The following CSMD1 variants were observed in gnomAD, a reference collection of about 807,000 sequenced individuals.
CSMD1 encodes CUB and Sushi multiple domains 1.
CSMD1 carries 213 observed loss-of-function variants against 417.5 expected under a neutral mutation model. The ratio of observed to expected loss-of-function variants is 0.51; its 90% CI spans 0.46 to 0.57. The LOEUF (loss-of-function observed/expected upper bound fraction) is 0.57. CSMD1 is among the 20% of genes least tolerant of loss of function. CSMD1 has a pLI of 0.00. For synonymous variants in CSMD1, 2,862 were observed against 1,736.8 expected, an observed-to-expected ratio of 1.65 and a Z score of -16.11; for missense variants, 6,923 against 4,529.7, an observed-to-expected ratio of 1.53 and a Z score of -15.17.
chr8:4,419,724 A>G (rs1387523653), intron 3 of CSMD1, among the ~76,000 whole-genome samples: 2 of 152,188 alleles, frequency 1.3e-5, no homozygotes, highest in Non-Finnish European at 2.9e-5. Context: ...CAAAACCCCA[A>G]GAAGAAAAGT....
intron 5 of CSMD1, among the ~76,000 whole-genome samples, chr8:3,982,750 G>A (rs930034490): frequency 6.6e-6 from 1 of 152,142 alleles, no homozygotes; most frequent in Non-Finnish European, 1.5e-5. Context: ...TAACGTGGAA[G>A]GAGCTGCCCA....
chr8:4,207,131 C>A (rs1447556570), intron 3 of CSMD1, among the ~76,000 whole-genome samples: 1 of 151,964 alleles, frequency 6.6e-6, no homozygotes, highest in Non-Finnish European at 1.5e-5. Flanking sequence ...AAAAATAGGA[C>A]AGTTGGTAAA....
intron 2 of CSMD1, among the ~76,000 whole-genome samples, chr8:4,423,784 G>A (rs1797390801): frequency 6.6e-6 from 1 of 151,912 alleles, no homozygotes; most frequent in African/African-American, 2.4e-5. Flanking sequence ...GAATAAAGCA[G>A]GAGAAACAGT....
chr8:4,879,091 GCAAA>G (rs1224408950), intron 1 of CSMD1, among the ~76,000 whole-genome samples: 2 of 151,908 alleles, frequency 1.3e-5, no homozygotes, highest in Non-Finnish European at 2.9e-5. Context: ...AGTAAGCTTT[GCAAA>G]CAAACAAAAA....
At chr8:3,158,641 A>G (rs1297664384) in intron 38 of CSMD1, among the ~76,000 whole-genome samples, 5 of 151,248 alleles carry the variant, frequency 3.3e-5, no homozygotes, top group African/African-American at 9.8e-5. Flanking sequence ...TTCTCAATGA[A>G]AAAAAAAACA....
chr8:3,160,724 A>C (rs1394432939), intron 38 of CSMD1, among the ~76,000 whole-genome samples: 2 of 152,246 alleles, frequency 1.3e-5, no homozygotes, highest in Non-Finnish European at 2.9e-5. Context: ...TTCCTATACT[A>C]AAGTGTGCCA....
rs1420684024 is a variant in CSMD1, at chr8:3,262,184, A to AAAAATATATACAT, written c.4153+21959_4153+21960insATGTATATATTTT. ...TTATTTCTAAAATTATGCTCATATGAATATATATATATATATATATATATA... is the reference window on the plus strand; with the variant it reads ...TTATTTCTAAAATTATGCTCATATGAAAAATATATACATATATATATATATATATATATATATA... On this transcript the variant is annotated intron_variant, in intron 26 of 69. Coordinates refer to ENST00000635120, the MANE Select transcript of CSMD1 (RefSeq NM_033225.6). Among the ~76,000 whole-genome samples the AAAAATATATACAT allele has an allele frequency of 7.1e-4, 45 of 63,170 alleles. 3 individuals are homozygous for AAAAATATATACAT. The highest frequency in any genetic ancestry group is 2.9e-3 in the African/African-American group (41 of 14,126). The allele number at this position is 63,170 out of a possible 152,430, so 41.4% of individuals were successfully genotyped here. A position where few individuals can be genotyped will look rare whatever the true frequency, so the allele number is the denominator to read the frequency against.
rs573715122 is a variant in CSMD1 at position 3,272,737 on chromosome 8, G to T, written c.4153+11407C>A. Among the ~76,000 whole-genome samples, 7 of 146,308 alleles carry T rather than the reference G, an allele frequency of 4.8e-5. No homozygotes were observed. The South Asian group carries it at 8.9e-4, about 19-fold the overall frequency. On this transcript the variant is annotated intron_variant, in intron 26 of 69. Coordinates refer to ENST00000635120, the MANE Select transcript of CSMD1 (RefSeq NM_033225.6). ...TCCTGATTTGGCTCTCTGTTTGTCT[G>T]TTGTTGGTGTATAAGAATGCTTGTG...
At chr8:4,308,700 A>G (rs1798391788) in intron 3 of CSMD1, among the ~76,000 whole-genome samples, 1 of 152,198 alleles carries the variant, frequency 6.6e-6, no homozygotes, top group Non-Finnish European at 1.5e-5. Context: ...TTGGAGTTTA[A>G]TTGCATTTGC....
At chr8:4,882,751 T>C (rs1371880498) in intron 1 of CSMD1, among the ~76,000 whole-genome samples, 1 of 151,918 alleles carries the variant, frequency 6.6e-6, no homozygotes, top group Non-Finnish European at 1.5e-5. Flanking sequence ...ATTATAATAA[T>C]TATCTTTTAA....
At chr8:4,136,872 T>C (rs893325235) in intron 3 of CSMD1, among the ~76,000 whole-genome samples, 2 of 152,208 alleles carry the variant, frequency 1.3e-5, no homozygotes, top group African/African-American at 2.4e-5. Context: ...ATTTACGAAT[T>C]TCAGAGAACA....
intron 26 of CSMD1, among the ~76,000 whole-genome samples, chr8:3,280,005 AAAGAGATGGTC>A (rs1373692185): frequency 6.6e-6 from 1 of 152,212 alleles, no homozygotes; most frequent in African/African-American, 2.4e-5. Flanking sequence ...AGAGATCCGG[AAAGAGATGGTC>A]AATGCAGCAG....
chr8:4,568,619 C>A (rs1298554430), intron 2 of CSMD1, among the ~76,000 whole-genome samples: 2 of 152,072 alleles, frequency 1.3e-5, no homozygotes, highest in African/African-American at 4.8e-5. Flanking sequence ...GATGTATAAT[C>A]CTATGGGTAT....
chr8:3,490,430 C>T (rs987429594), intron 11 of CSMD1, among the ~76,000 whole-genome samples: 3 of 152,072 alleles, frequency 2.0e-5, no homozygotes, highest in African/African-American at 7.2e-5. Flanking sequence ...GCATTACCTG[C>T]CTGCATTTAT....
At chr8:4,451,122 G>C (rs958199577) in intron 2 of CSMD1, among the ~76,000 whole-genome samples, 1 of 152,154 alleles carries the variant, frequency 6.6e-6, no homozygotes, top group Non-Finnish European at 1.5e-5. Flanking sequence ...GAGTTCAAGA[G>C]ATCCAGACTA....
At chr8:4,945,874 A>G (rs983969365) in intron 1 of CSMD1, among the ~76,000 whole-genome samples, 5 of 152,204 alleles carry the variant, frequency 3.3e-5, no homozygotes, top group Non-Finnish European at 5.9e-5. Context: ...TTGGCAGACA[A>G]TCACAGAAAC....
intron 7 of CSMD1, among the ~76,000 whole-genome samples, chr8:3,688,719 T>G (rs1431141501): frequency 6.6e-6 from 1 of 152,166 alleles, no homozygotes; most frequent in Non-Finnish European, 1.5e-5. Flanking sequence ...TCTCCTCAAT[T>G]AAAAAATATT....
At chr8:4,423,110 T>C (rs1047556297) in intron 2 of CSMD1, among the ~76,000 whole-genome samples, 1 of 152,126 alleles carries the variant, frequency 6.6e-6, no homozygotes, top group Non-Finnish European at 1.5e-5. Context: ...GGTTGAAGAC[T>C]GAATGCTTCT....
intron 2 of CSMD1, among the ~76,000 whole-genome samples, chr8:4,458,279 T>C (rs1799605318): frequency 6.6e-6 from 1 of 152,104 alleles, no homozygotes; most frequent in Non-Finnish European, 1.5e-5. Flanking sequence ...TGACACTCAA[T>C]GAGAAATATC....
Sources: gnomAD v4.1 joint callset for allele counts (sites outside exome capture counted in the v4.1 genomes callset) on GRCh38, gnomAD v4.1.1 for gene constraint, MANE v1.5 for transcripts, NCBI Gene and HGNC (gene_info 2026-07-23, HGNC 2026-07-21) for gene names.